TMEM135: variants seen among roughly 807,000 people sequenced by gnomAD.
TMEM135 encodes the protein peroxisomal membrane protein 52.
In TMEM135, 30 loss-of-function variants were observed where a neutral mutation model predicts 60.3. The ratio of observed to expected loss-of-function variants is 0.50; its 90% CI spans 0.37 to 0.68. The LOEUF is 0.68. Among genes scored for constraint, TMEM135 ranks in the 30% least tolerant of loss-of-function variants. The pLI, the probability that TMEM135 is intolerant of heterozygous loss-of-function variation, is 0.00. For missense variants in TMEM135, 468 were observed against 548.8 expected (o/e 0.85, Z 1.47); for synonymous variants, 190 against 186.7 (o/e 1.02, Z -0.14).
At chr11:87,248,242 G>T (rs977760773) in intron 6 of TMEM135, among the ~76,000 whole-genome samples, 4 of 152,118 alleles carry the variant, frequency 2.6e-5, no homozygotes, top group Admixed American at 6.5e-5. Flanking sequence ...GTTTCATATT[G>T]TAGTTCTATT....
chr11:87,231,391 C>T (rs1940886264), intron 5 of TMEM135, among the ~76,000 whole-genome samples: 1 of 152,166 alleles, frequency 6.6e-6, no homozygotes, highest in Non-Finnish European at 1.5e-5. Context: ...CAAAGATTCA[C>T]ATGGCATTGG....
chr11:87,086,191 A>G (rs1417225392), intron 3 of TMEM135, among the ~76,000 whole-genome samples: 2 of 152,034 alleles, frequency 1.3e-5, no homozygotes, highest in Non-Finnish European at 2.9e-5. Context: ...CTTGTTGGCT[A>G]TGTCTAGTAA....
chr11:87,192,300 T>G (rs767751538), intron 5 of TMEM135, among the ~76,000 whole-genome samples: 1 of 152,050 alleles, frequency 6.6e-6, no homozygotes, highest in Non-Finnish European at 1.5e-5. Flanking sequence ...TATAATTGAT[T>G]TATGTAGATG....
chr11:87,193,762 ATATAT>A (rs148061152), intron 5 of TMEM135, among the ~76,000 whole-genome samples: 8 of 147,938 alleles, frequency 5.4e-5, no homozygotes, highest in South Asian at 2.1e-4. Flanking sequence ...ATATATTCTT[ATATAT>A]TATATTATAT....
At chr11:87,084,649 G>A (rs1205373649) in intron 3 of TMEM135, among the ~76,000 whole-genome samples, 1 of 152,170 alleles carries the variant, frequency 6.6e-6, no homozygotes, top group Non-Finnish European at 1.5e-5. Context: ...GCACAAAGTT[G>A]TATGCCGCAA....
At chr11:87,146,743 A>G (rs1356170096) in intron 4 of TMEM135, among the ~76,000 whole-genome samples, 1 of 152,104 alleles carries the variant, frequency 6.6e-6, no homozygotes, top group Non-Finnish European at 1.5e-5. Context: ...GAGTGTTTTC[A>G]CGTATATTAA....
intron 4 of TMEM135, among the ~76,000 whole-genome samples, chr11:87,101,977 G>GA (rs893001508): frequency 1.3e-5 from 2 of 151,628 alleles, no homozygotes; most frequent in Non-Finnish European, 2.9e-5. Flanking sequence ...CCGTCTCGGG[G>GA]AAAAAAAACA....
At chr11:87,250,896 T>A (rs1369974969) in intron 6 of TMEM135, among the ~76,000 whole-genome samples, 1 of 152,066 alleles carries the variant, frequency 6.6e-6, no homozygotes, top group Non-Finnish European at 1.5e-5. Flanking sequence ...ATATCACAGG[T>A]AATAGGGGAT....
Position 87,312,933 on chromosome 11 carries a change from G to A in TMEM135, c.937-492G>A, listed in dbSNP as rs542298849. On this transcript the variant is annotated intron_variant, in intron 10 of 14. Transcript: ENST00000305494. ...TTTCTTTTCATAGTTCTAAATTTTT[G>A]TCTGGTGTCATATTCCTTCTACCTT... Among the ~76,000 whole-genome samples the A allele has an allele frequency of 4.6e-5, 7 of 151,818 alleles. No homozygotes were observed. In the South Asian group the frequency reaches 1.5e-3, roughly 31 times the overall value.
rs115586297 is a variant in TMEM135 at position 87,261,098 on chromosome 11, A to G, written c.509+24414A>G. Among the ~76,000 whole-genome samples, 630 of 152,336 alleles carry G rather than the reference A, an allele frequency of 4.1e-3. 4 individuals carry two copies. The highest frequency in any genetic ancestry group is 0.014 in the African/African-American group (597 of 41,574). ...TGGCAACCTATTCTAGTACCTCACA[A>G]CAAGTAGAGTCAAGACGTTTTTCTC... On this transcript the variant is annotated intron_variant, in intron 6 of 14. Coordinates refer to ENST00000305494, the MANE Select transcript of TMEM135 (RefSeq NM_022918.4).
chr11:87,186,331 T>A (rs1361326626), intron 5 of TMEM135, among the ~76,000 whole-genome samples: 3 of 152,192 alleles, frequency 2.0e-5, no homozygotes, highest in Non-Finnish European at 4.4e-5. Context: ...TCTAGGTTCA[T>A]CTTGTATAGC....
chr11:87,043,654 C>T (rs188129326), intron 1 of TMEM135, among the ~76,000 whole-genome samples: 19 of 151,974 alleles, frequency 1.3e-4, no homozygotes, highest in South Asian at 4.2e-4. Flanking sequence ...ACCTGGGAGG[C>T]GGAGGTTGTA....
chr11:87,258,209 T>C (rs1277588241), intron 6 of TMEM135, among the ~76,000 whole-genome samples: 2 of 149,194 alleles, frequency 1.3e-5, no homozygotes, highest in Non-Finnish European at 3.0e-5. Context: ...TTTTTTTCAG[T>C]TGGAATCACT....
At chr11:87,163,972 C>G (rs1337146636) in intron 5 of TMEM135, among the ~76,000 whole-genome samples, 1 of 148,676 alleles carries the variant, frequency 6.7e-6, no homozygotes, top group African/African-American at 2.5e-5. Flanking sequence ...CGAAAATTTT[C>G]TCCCATTTTG....
chr11:87,118,852 C>T (rs1189399197), intron 4 of TMEM135, among the ~76,000 whole-genome samples: 1 of 152,190 alleles, frequency 6.6e-6, no homozygotes, highest in African/African-American at 2.4e-5. Flanking sequence ...CTTCACACTT[C>T]TGCAATTTCC....
intron 4 of TMEM135, among the ~76,000 whole-genome samples, chr11:87,140,683 A>G (rs2135244834): frequency 6.6e-6 from 1 of 152,264 alleles, no homozygotes; most frequent in Admixed American, 6.5e-5. Flanking sequence ...TTTTATCCCC[A>G]ATGTAGTATA....
chr11:87,091,470 G>A, intron 4 of TMEM135, 75 bp downstream of exon 4: 7 of 1,451,924 alleles, frequency 4.8e-6, no homozygotes, highest in Non-Finnish European at 6.7e-6. Context: ...CTTAAAAAAA[G>A]TAAAAGAGGA....
chr11:87,277,348 C>G (rs1352502640), intron 6 of TMEM135: 3 of 349,314 alleles, frequency 8.6e-6, no homozygotes, highest in Admixed American at 3.2e-5. Context: ...CCAGGCTGGT[C>G]TTGAATTCTT....
chr11:87,098,216 C>G (rs1344007133), intron 4 of TMEM135, among the ~76,000 whole-genome samples: 1 of 151,644 alleles, frequency 6.6e-6, no homozygotes, highest in Non-Finnish European at 1.5e-5. Flanking sequence ...CTCCTGTAAG[C>G]TTAGCGTTCC....
Sources: gnomAD v4.1 joint callset for allele counts (sites outside exome capture counted in the v4.1 genomes callset) on GRCh38, gnomAD v4.1.1 for gene constraint, MANE v1.5 for transcripts, NCBI Gene and HGNC (gene_info 2026-07-23, HGNC 2026-07-21) for gene names.